AXIN2: variants seen among roughly 807,000 people sequenced by gnomAD.
The protein encoded by AXIN2 is axin 2.
A neutral mutation model predicts 74.7 loss-of-function variants in AXIN2; 21 were observed. The observed-to-expected ratio is 0.28, with a 90% confidence interval of 0.20 to 0.40. AXIN2 has a LOEUF of 0.40. Ranked by LOEUF, AXIN2 falls within the 10% of genes least tolerant of loss-of-function variation. AXIN2 has a pLI of 1.00. For missense variants in AXIN2, 1,144 were observed against 1,111.1 expected, an observed-to-expected ratio of 1.03 and a Z score of -0.42; for synonymous variants, 532 against 454.9, an observed-to-expected ratio of 1.17 and a Z score of -2.16.
Position 65,529,900 on chromosome 17 carries a change from G to A in AXIN2, c.*76C>T. On this transcript the variant is annotated 3_prime_UTR_variant, in exon 11 of 11. Coordinates refer to ENST00000307078, the MANE Select transcript of AXIN2 (RefSeq NM_004655.4). The stretch of plus-strand genomic sequence containing the variant: ...GTTTAATTTTCCTTCAAAATGTTTT[G>A]TCGCAGTTGCTCACAGCCAAGACAG... The A allele has an allele frequency of 6.2e-7, 1 of 1,603,772 alleles. No homozygotes were observed. The highest frequency in any genetic ancestry group is 8.5e-7 in the Non-Finnish European group (1 of 1,174,022).
intron 4 of AXIN2, 118 bp from the exon 5 acceptor site, chr17:65,538,461 G>A: frequency 7.2e-7 from 1 of 1,396,054 alleles, no homozygotes; most frequent in African/African-American, 1.4e-5. Flanking sequence ...CGGGTGTAGA[G>A]TGGATGGCAA....
intron 4 of AXIN2, among the ~76,000 whole-genome samples, chr17:65,540,047 T>C (rs1263338337): frequency 6.6e-6 from 1 of 152,224 alleles, no homozygotes; most frequent in Non-Finnish European, 1.5e-5. Context: ...ATTCCGCATT[T>C]GATAGGCACA....
chr17:65,537,174 C>A (rs1308083276), intron 6 of AXIN2, 111 bp from the exon 7 acceptor site: 1 of 1,534,194 alleles, frequency 6.5e-7, no homozygotes, highest in Non-Finnish European at 8.9e-7. Flanking sequence ...AAGACCCATG[C>A]ACCTGCTCCC....
intron 2 of AXIN2, among the ~76,000 whole-genome samples, chr17:65,557,138 C>T (rs902029452): frequency 1.1e-4 from 16 of 152,152 alleles, no homozygotes; most frequent in African/African-American, 3.9e-4. Flanking sequence ...GTCTGACCCT[C>T]GGACTCATGA....
At chr17:65,543,000 G>T (rs957177970) in intron 3 of AXIN2, among the ~76,000 whole-genome samples, 1 of 152,180 alleles carries the variant, frequency 6.6e-6, no homozygotes, top group Non-Finnish European at 1.5e-5. Context: ...GCATTTTCAG[G>T]AAGTCTACTG....
chr17:65,538,361 G>C lies in AXIN2; in HGVS notation c.1060-18C>G. The C allele has an allele frequency of 6.2e-7, 1 of 1,613,958 alleles. No individual in the cohort carries two copies. Among genetic ancestry groups the C allele is most frequent in the South Asian group, 1.1e-5 (1 of 91,078 alleles). ...TGGGTTCTCTACAGGACGTGGAAAG[G>C]AAAGGGAGGAGGCACGTTCAGCAGG... On this transcript the variant is annotated intron_variant, in intron 4 of 10. Coordinates refer to ENST00000307078, the MANE Select transcript of AXIN2 (RefSeq NM_004655.4).
chr17:65,536,646 G>T, intron 7 of AXIN2, 93 bp from the exon 8 acceptor site: 1 of 1,472,848 alleles, frequency 6.8e-7, no homozygotes, highest in Non-Finnish European at 9.5e-7. Context: ...TGTCTATTCT[G>T]CTCAGAGAGA....
chr17:65,548,448 A>G (rs2044146019), intron 3 of AXIN2, among the ~76,000 whole-genome samples: 1 of 152,150 alleles, frequency 6.6e-6, no homozygotes, highest in Non-Finnish European at 1.5e-5. Flanking sequence ...CAAACTCTAA[A>G]TAAGTGTGCC....
chr17:65,538,367 G>A (rs957620918), intron 4 of AXIN2, 24 bp from the exon 5 acceptor site: 4 of 1,613,668 alleles, frequency 2.5e-6, no homozygotes, highest in East Asian at 2.2e-5. Flanking sequence ...AAAGGAAAGG[G>A]AGGAGGCACG....
In AXIN2 at chr17:65,537,656, A is replaced by G. The variant is rs566313620; in HGVS notation, c.1380T>C (p.Tyr460=). 527 of 1,567,814 alleles carry G rather than the reference A, an allele frequency of 3.4e-4. 10 individuals carry two copies. The South Asian group carries it at 5.8e-3, about 17-fold the overall frequency. The change falls in exon 6 of 11, where the codon TAT becomes TAC. Residue 460 remains tyrosine, a synonymous_variant. Coordinates refer to ENST00000307078, the MANE Select transcript of AXIN2 (RefSeq NM_004655.4). ...PGCQSPGVGR[Y]SPRSRSPDHH... is the part of the protein sequence containing the mutation. ...GGTCCGGGGAGCGGGAGCGGGGGCT[A>G]TAGCGGCCTACGCCTGGAGACTGGC...
rs886053270 is a variant in AXIN2, at chr17:65,529,820, C to T, written c.*156G>A. 1.3e-5 allele frequency: 16 copies of T among 1,215,338 alleles called. No homozygotes were observed. Among genetic ancestry groups the T allele is most frequent in the Non-Finnish European group, 1.8e-5 (15 of 850,630 alleles). The allele number at this position is 1,215,338 out of a possible 1,614,324, so 75.3% of individuals were successfully genotyped here. A position where few individuals can be genotyped will look rare whatever the true frequency, so the allele number is the denominator to read the frequency against. On this transcript the variant is annotated 3_prime_UTR_variant, in exon 11 of 11. Transcript: ENST00000307078. ...TGAATCATGAAAATCAACCTCCCCC[C>T]GCCCTCCCGAAGGCCCACTGGCCGA...
At chr17:65,540,057 A>T (rs1273589759) in intron 4 of AXIN2, among the ~76,000 whole-genome samples, 1 of 152,254 alleles carries the variant, frequency 6.6e-6, no homozygotes, top group African/African-American at 2.4e-5. Context: ...TGATAGGCAC[A>T]GACTCACCAG....
At chr17:65,538,071 C>T (rs921099216) in intron 5 of AXIN2, 132 bp downstream of exon 5, 85 of 1,511,912 alleles carry the variant, frequency 5.6e-5, no homozygotes, top group Non-Finnish European at 7.3e-5. Context: ...CACACACCCA[C>T]ACGCAGCCCA....
chr17:65,532,910 G>A (rs887542299), intron 10 of AXIN2, among the ~76,000 whole-genome samples: 1 of 152,228 alleles, frequency 6.6e-6, no homozygotes, highest in African/African-American at 2.4e-5. Context: ...GGGTGCCCCT[G>A]TCTCACCCTT....
chr17:65,558,765 G>A lies in AXIN2; in HGVS notation c.-116-29C>T. Reference sequence around the variant, plus strand: ...GAAAGAAAAGGAAGGGGGGAGGTGGGGAGAGAGAAAAGGGTATTGATCTAA... The same window carrying A: ...GAAAGAAAAGGAAGGGGGGAGGTGGAGAGAGAGAAAAGGGTATTGATCTAA... On this transcript the variant is annotated intron_variant, in intron 1 of 10. Transcript: ENST00000307078. The A allele has an allele frequency of 5.9e-6, 5 of 842,060 alleles. 1 individual carries two copies. The highest frequency in any genetic ancestry group is 9.6e-6 in the Non-Finnish European group (5 of 520,102). The allele number at this position is 842,060 out of a possible 1,614,324, so 52.2% of individuals were successfully genotyped here. A position where few individuals can be genotyped will look rare whatever the true frequency, so the allele number is the denominator to read the frequency against.
chr17:65,539,134 C>T (rs1390903304), intron 4 of AXIN2, among the ~76,000 whole-genome samples: 2 of 152,182 alleles, frequency 1.3e-5, no homozygotes, highest in African/African-American at 2.4e-5. Flanking sequence ...ACAGAGAGAA[C>T]CCCTGCTGCC....
chr17:65,558,782 T>C (rs2044317138), intron 1 of AXIN2, 46 bp from the exon 2 acceptor site: 3 of 741,368 alleles, frequency 4.0e-6, no homozygotes, highest in South Asian at 3.2e-5. Flanking sequence ...GAAAAGGGTA[T>C]TGATCTAATC....
chr17:65,540,041 C>T (rs1366369562), intron 4 of AXIN2, among the ~76,000 whole-genome samples: 3 of 152,192 alleles, frequency 2.0e-5, no homozygotes, highest in Non-Finnish European at 4.4e-5. Flanking sequence ...TCGTTCATTC[C>T]GCATTTGATA....
intron 4 of AXIN2, 131 bp from the exon 5 acceptor site, chr17:65,538,474 C>T (rs1186422295): frequency 5.7e-6 from 7 of 1,229,270 alleles, no homozygotes; most frequent in Non-Finnish European, 6.8e-6. Context: ...GATGGCAAGG[C>T]GGCCTGGGCT....
Sources: gnomAD v4.1 joint callset for allele counts (sites outside exome capture counted in the v4.1 genomes callset) on GRCh38, gnomAD v4.1.1 for gene constraint, MANE v1.5 for transcripts, NCBI Gene and HGNC (gene_info 2026-07-23, HGNC 2026-07-21) for gene names.